The following GRM1 variants were observed in gnomAD, a reference collection of about 807,000 sequenced individuals.
The protein encoded by GRM1 is glutamate metabotropic receptor 1.
A neutral mutation model predicts 90.9 loss-of-function variants in GRM1; 33 were observed. The ratio of observed to expected loss-of-function variants is 0.36; its 90% CI spans 0.28 to 0.49. The LOEUF (loss-of-function observed/expected upper bound fraction) is 0.49, where lower values mean the gene tolerates loss of function less well. Among genes scored for constraint, GRM1 ranks in the 20% least tolerant of loss-of-function variants. The pLI is 0.99. For synonymous variants in GRM1, 700 were observed against 613.2 expected (o/e 1.14, Z -2.09); for missense variants, 1,190 against 1,534.3 (o/e 0.78, Z 3.75).
At chr6:146,225,559 T>C (rs1780209878) in intron 2 of GRM1, among the ~76,000 whole-genome samples, 1 of 152,164 alleles carries the variant, frequency 6.6e-6, no homozygotes, top group South Asian at 2.1e-4. Context: ...TCTATTTCCT[T>C]GGGACTTCAA....
rs969648176 is a variant in GRM1, at chr6:146,330,146, T to C, written c.1187-22104T>C. Among the ~76,000 whole-genome samples, 6 of 152,198 alleles carry C rather than the reference T, an allele frequency of 3.9e-5. No individual in the cohort carries two copies. In the East Asian group the frequency reaches 1.2e-3, roughly 29 times the overall value. On this transcript the variant is annotated intron_variant, in intron 3 of 7. Coordinates refer to ENST00000282753, the MANE Select transcript of GRM1 (RefSeq NM_001278064.2). ...GGCAGAAAAGGTGACTGTGTGATTA[T>C]GACTGAACAACTCAAAGAACCCTGG...
At chr6:146,105,426 A>ATTATT (rs1554266976) in intron 1 of GRM1, among the ~76,000 whole-genome samples, 1 of 152,198 alleles carries the variant, frequency 6.6e-6, no homozygotes, top group Non-Finnish European at 1.5e-5. Context: ...CAAATGAAAC[A>ATTATT]TTAGTAGTAA....
At chr6:146,390,917 G>A (rs1357772870) in intron 6 of GRM1, among the ~76,000 whole-genome samples, 3 of 151,988 alleles carry the variant, frequency 2.0e-5, no homozygotes, top group Non-Finnish European at 4.4e-5. Flanking sequence ...TGCAGAAGAA[G>A]GGACATTTGA....
In GRM1 at chr6:146,352,359, C is replaced by T. The variant is rs766466973; in HGVS notation, c.1296C>T (p.Cys432=). ...TGCAGAACATGCACCATGCCCTCTGCCCTGGCCACGTGGGCCTCTGCGATG... is the reference window on the plus strand; with the variant it reads ...TGCAGAACATGCACCATGCCCTCTGTCCTGGCCACGTGGGCCTCTGCGATG... ...HGLQNMHHAL[C]PGHVGLCDAM... is the part of the protein sequence containing the mutation. The change falls in exon 4 of 8, where the codon TGC becomes TGT. Residue 432 remains cysteine (C), a synonymous_variant. Transcript: ENST00000282753. 3 of 1,614,172 alleles carry T rather than the reference C, an allele frequency of 1.9e-6. No individual in the cohort carries two copies. The highest frequency in any genetic ancestry group is 2.7e-5 in the African/African-American group (2 of 75,060).
chr6:146,377,518 A>G (rs2876649), intron 5 of GRM1, among the ~76,000 whole-genome samples: 80,144 of 151,962 alleles, frequency 0.53, 22,701 homozygotes, highest in African/African-American at 0.75. Context: ...AGGGTATCTG[A>G]TGGAAGAAAG....
At chr6:146,070,077 A>G (rs990428853) in intron 1 of GRM1, among the ~76,000 whole-genome samples, 1 of 152,200 alleles carries the variant, frequency 6.6e-6, no homozygotes, top group Non-Finnish European at 1.5e-5. Context: ...AGAAACCAAA[A>G]TAAATAGAAC....
intron 2 of GRM1, among the ~76,000 whole-genome samples, chr6:146,286,184 A>G (rs1050041657): frequency 6.6e-6 from 1 of 152,116 alleles, no homozygotes; most frequent in Non-Finnish European, 1.5e-5. Context: ...AAATTTATAA[A>G]TCCTAGTTAT....
At chr6:146,215,941 T>G (rs1198627056) in intron 2 of GRM1, among the ~76,000 whole-genome samples, 3 of 152,070 alleles carry the variant, frequency 2.0e-5, no homozygotes, top group Non-Finnish European at 2.9e-5. Flanking sequence ...GTATTTTTAG[T>G]AGGGACGGGG....
chr6:146,134,694 G>C, intron 1 of GRM1, among the ~76,000 whole-genome samples: 1 of 152,088 alleles, frequency 6.6e-6, no homozygotes, highest in East Asian at 1.9e-4. Context: ...ACTTTGGGAG[G>C]CCATGGCGGG....
At chr6:146,269,859 G>C (rs77465904) in intron 2 of GRM1, among the ~76,000 whole-genome samples, 1,836 of 152,104 alleles carry the variant, frequency 0.012, 25 homozygotes, top group African/African-American at 0.042. Flanking sequence ...GACAAAGTGT[G>C]AGAGAAAAAT....
intron 4 of GRM1, among the ~76,000 whole-genome samples, chr6:146,354,557 C>G (rs1785518217): frequency 6.6e-6 from 1 of 151,944 alleles, no homozygotes; most frequent in Non-Finnish European, 1.5e-5. Context: ...TTAAGCTTTC[C>G]CCTGGGTCTT....
intron 7 of GRM1, chr6:146,426,617 T>A: frequency 6.4e-7 from 1 of 1,569,580 alleles, no homozygotes; most frequent in Non-Finnish European, 8.8e-7. Context: ...TGTGCAGCTT[T>A]GAAAACCCCC....
At chr6:146,214,058 T>A (rs888118528) in intron 2 of GRM1, among the ~76,000 whole-genome samples, 1 of 152,058 alleles carries the variant, frequency 6.6e-6, no homozygotes, top group South Asian at 2.1e-4. Flanking sequence ...TTTTTTCTAA[T>A]TTTTTTGCTC....
At position 146,434,490 on chromosome 6, in the gene GRM1, C is replaced by G; in HGVS notation, c.3279C>G (p.Pro1093=). ...TTGGGGAGGAGCTGGTCTCCCCGCC[C>G]GCGGACGACGACGACGACAGCGAGA... The part of the protein sequence containing the change: ...STFGEELVSP[P]ADDDDDSERF... Residue 1093 remains proline, a synonymous_variant, in exon 8 of 8, where the codon CCC becomes CCG. Coordinates refer to ENST00000282753, the MANE Select transcript of GRM1 (RefSeq NM_001278064.2). 1 of 1,614,088 alleles carries G rather than the reference C, an allele frequency of 6.2e-7. No homozygotes were observed. The highest frequency in any genetic ancestry group is 8.5e-7 in the Non-Finnish European group (1 of 1,180,022).
intron 2 of GRM1, among the ~76,000 whole-genome samples, chr6:146,286,814 G>T (rs1314911257): frequency 2.0e-5 from 3 of 152,134 alleles, no homozygotes; most frequent in African/African-American, 7.2e-5. Context: ...AGAATGTGCT[G>T]CTTCTGAAAA....
Position 146,159,396 on chromosome 6 carries a change from A to G in GRM1, c.749A>G (p.Gln250Arg). ...GACGCTTTCAAAGAGCTGGCTGCCC[A>G]GGAAGGCCTCTGTATCGCCCATTCT... ...GMDAFKELAA[Q>R]EGLCIAHSDK... Residue 250 changes from glutamine to arginine, a missense_variant, in exon 2 of 8, where the codon CAG (glutamine) becomes CGG (arginine). Physicochemically the swap from Gln to Arg is conservative, Grantham distance 43. This residue lies in a region of GRM1 where 45 missense variants were observed against 45.5 expected (regional missense o/e 0.99). Transcript: ENST00000282753. 1 of 1,614,202 alleles carries G rather than the reference A, an allele frequency of 6.2e-7. No homozygotes were observed. The highest frequency in any genetic ancestry group is 1.7e-5 in the Admixed American group (1 of 60,032).
chr6:146,305,699 A>G (rs747028860), intron 3 of GRM1, among the ~76,000 whole-genome samples: 1 of 152,200 alleles, frequency 6.6e-6, no homozygotes, highest in Non-Finnish European at 1.5e-5. Context: ...CCTAATTTGT[A>G]TTGTAGAACA....
chr6:146,029,586 C>A lies in GRM1; in HGVS notation c.69C>A (p.Pro23=). ...AGGTGTCCCTTCTCCCCAGAAGCCCCGGCAGGAAAGTGTTGCTGGCAGGAG... is the reference window on the plus strand; with the variant it reads ...AGGTGTCCCTTCTCCCCAGAAGCCCAGGCAGGAAAGTGTTGCTGGCAGGAG... The part of the protein sequence containing the change: ...FLEVSLLPRS[P]GRKVLLAGAS... Residue 23 remains proline, a synonymous_variant, in exon 1 of 8, where the codon CCC becomes CCA. Coordinates refer to ENST00000282753, the MANE Select transcript of GRM1 (RefSeq NM_001278064.2). The A allele has an allele frequency of 6.2e-7, 1 of 1,614,096 alleles. No homozygotes were observed. Among genetic ancestry groups the A allele is most frequent in the Non-Finnish European group, 8.5e-7 (1 of 1,180,004 alleles).
At chr6:146,397,867 T>A (rs1777023054) in intron 6 of GRM1, among the ~76,000 whole-genome samples, 1 of 152,232 alleles carries the variant, frequency 6.6e-6, no homozygotes, top group South Asian at 2.1e-4. Flanking sequence ...TTGCCATGGC[T>A]ACAGAACAAT....
Sources: allele counts gnomAD v4.1 joint callset (sites outside exome capture counted in the v4.1 genomes callset), GRCh38; gene constraint gnomAD v4.1.1; regional missense constraint gnomAD v4.1.1; transcripts MANE v1.5; gene names NCBI Gene and HGNC (gene_info 2026-07-23, HGNC 2026-07-21).